SPRR1B: variants seen among roughly 807,000 people sequenced by gnomAD.
The protein encoded by SPRR1B is cornifin-B.
A neutral mutation model predicts 1.2 loss-of-function variants in SPRR1B; 1 was observed. The ratio of observed to expected loss-of-function variants is 0.82; its 90% confidence interval spans 0.29 to 3.89. The LOEUF is 3.89. Ranked by LOEUF, SPRR1B falls within the 30% of genes most tolerant of loss-of-function variation. The probability of loss-of-function intolerance (pLI) is 0.18; values close to 1 mark genes in which losing one functional copy is unlikely to be tolerated. For missense variants in SPRR1B, 102 were observed against 106.0 expected, an observed-to-expected ratio of 0.96 and a Z score of 0.17; for synonymous variants, 37 against 38.3, an observed-to-expected ratio of 0.97 and a Z score of 0.13.
chr1:153,032,096 G>A (rs930310740), intron 1 of SPRR1B, among the ~76,000 whole-genome samples: 3 of 152,066 alleles, frequency 2.0e-5, no homozygotes, highest in Admixed American at 6.5e-5. Context: ...CCTGCTAGAA[G>A]CCTGTTATTG....
chr1:153,031,574 T>C (rs923745647), intron 1 of SPRR1B, among the ~76,000 whole-genome samples: 2 of 152,264 alleles, frequency 1.3e-5, no homozygotes, highest in African/African-American at 4.8e-5. Context: ...CCTGGCATTA[T>C]AATTCCTTCT....
chr1:153,032,731 A>G lies in SPRR1B; in HGVS notation c.*116A>G. 1 of 1,490,750 alleles carries G rather than the reference A, an allele frequency of 6.7e-7. No individual in the cohort carries two copies. Among genetic ancestry groups the G allele is most frequent in the Non-Finnish European group, 9.0e-7 (1 of 1,116,296 alleles). 92.3% of individuals were successfully genotyped at this position (1,490,750 alleles called of 1,614,324 possible). ...TAGCATTCTGTCTCCCCCAAAAAAG[A>G]ATGTGCTATGAAGCTTTCTTTCCTA... On this transcript the variant is annotated 3_prime_UTR_variant, in exon 2 of 2. Coordinates refer to ENST00000307098, the MANE Select transcript of SPRR1B (RefSeq NM_003125.3).
chr1:153,032,618 T>C lies in SPRR1B; in HGVS notation c.*3T>C, dbSNP rs1653745455. 1.2e-6 allele frequency: 2 copies of C among 1,613,276 alleles called. No individual in the cohort carries two copies. Among genetic ancestry groups the C allele is most frequent in the Non-Finnish European group, 1.7e-6 (2 of 1,179,508 alleles). On this transcript the variant is annotated 3_prime_UTR_variant, in exon 2 of 2. Transcript: ENST00000307098. Reference sequence around the variant, plus strand: ...AGCAGAAGACCAAGCAGAAGTAATGTGGTCCACAGCCATGCCCTTGAGGAG... The same window carrying C: ...AGCAGAAGACCAAGCAGAAGTAATGCGGTCCACAGCCATGCCCTTGAGGAG...
At chr1:153,032,163 C>A (rs1028382290) in intron 1 of SPRR1B, among the ~76,000 whole-genome samples, 164 bp from the exon 2 acceptor site, 1 of 151,994 alleles carries the variant, frequency 6.6e-6, no homozygotes, top group Non-Finnish European at 1.5e-5. Context: ...GGAGCAAGAG[C>A]AAATCATCTT....
In SPRR1B at chr1:153,032,546, C is replaced by T. The variant is rs1042760647; in HGVS notation, c.201C>T (p.Pro67=). The change falls in exon 2 of 2, where the codon CCC becomes CCT. Residue 67 remains proline (P), a synonymous_variant. Coordinates refer to ENST00000307098, the MANE Select transcript of SPRR1B (RefSeq NM_003125.3). ...CQPKVPEPCH[P]KVPEPCPSIV... ...CCAAGGTTCCAGAGCCATGCCACCCCAAGGTGCCTGAGCCCTGCCCTTCAA... is the reference window on the plus strand; with the variant it reads ...CCAAGGTTCCAGAGCCATGCCACCCTAAGGTGCCTGAGCCCTGCCCTTCAA... 1.1e-5 allele frequency: 17 copies of T among 1,611,738 alleles called. No individual in the cohort carries two copies. Among genetic ancestry groups the T allele is most frequent in the Non-Finnish European group, 1.4e-5 (16 of 1,178,310 alleles).
intron 1 of SPRR1B, 87 bp downstream of exon 1, chr1:153,031,334 T>C (rs1365842881): frequency 6.7e-6 from 1 of 149,528 alleles, no homozygotes; most frequent in Admixed American, 6.7e-5. Context: ...GGTATTTTTT[T>C]CCCTCATTAT....
rs1360539944 is a variant in SPRR1B at position 153,032,704 on chromosome 1, A to T, written c.*89A>T. On this transcript the variant is annotated 3_prime_UTR_variant, in exon 2 of 2. Coordinates refer to ENST00000307098, the MANE Select transcript of SPRR1B (RefSeq NM_003125.3). Reference sequence around the variant, plus strand: ...GCGTATGAGTCCCATTTGCCTTGCAATTAGCATTCTGTCTCCCCCAAAAAA... The same window carrying T: ...GCGTATGAGTCCCATTTGCCTTGCATTTAGCATTCTGTCTCCCCCAAAAAA... 1 of 1,531,394 alleles carries T rather than the reference A, an allele frequency of 6.5e-7. No individual in the cohort carries two copies. The highest frequency in any genetic ancestry group is 1.3e-5 in the South Asian group (1 of 77,002). 94.9% of individuals were successfully genotyped at this position (1,531,394 alleles called of 1,614,324 possible).
At position 153,032,532 on chromosome 1, in the gene SPRR1B, G is replaced by A; in HGVS notation, c.187G>A (p.Glu63Lys). 3 of 1,495,348 alleles carry A rather than the reference G, an allele frequency of 2.0e-6. No homozygotes were observed. Among genetic ancestry groups the A allele is most frequent in the Non-Finnish European group, 2.8e-6 (3 of 1,084,938 alleles). 92.6% of individuals were successfully genotyped at this position (1,495,348 alleles called of 1,614,324 possible). A position where few individuals can be genotyped will look rare whatever the true frequency, so the allele number is the denominator to read the frequency against. The part of the protein sequence containing the change: ...VPEPCQPKVP[E>K]PCHPKVPEPC... Reference sequence around the variant, plus strand: ...CGAGCCCTGCCAGCCCAAGGTTCCAGAGCCATGCCACCCCAAGGTGCCTGA... The same window carrying A: ...CGAGCCCTGCCAGCCCAAGGTTCCAAAGCCATGCCACCCCAAGGTGCCTGA... The change falls in exon 2 of 2, where the codon GAG becomes AAG. Residue 63 changes from glutamate to lysine, a missense_variant. Glu to Lys is a moderately conservative substitution (Grantham distance 56). Coordinates refer to ENST00000307098, the MANE Select transcript of SPRR1B (RefSeq NM_003125.3).
chr1:153,032,008 G>A (rs1653721642), intron 1 of SPRR1B, among the ~76,000 whole-genome samples: 1 of 146,998 alleles, frequency 6.8e-6, no homozygotes, highest in East Asian at 2.1e-4. Flanking sequence ...AAATGAGTGA[G>A]TAGATTTAAT....
intron 1 of SPRR1B, 81 bp from the exon 2 acceptor site, chr1:153,032,246 G>T: frequency 2.0e-6 from 3 of 1,473,130 alleles, no homozygotes; most frequent in South Asian, 2.7e-5. Flanking sequence ...AAAGAACATA[G>T]CTTTTTAAGA....
intron 1 of SPRR1B, 105 bp downstream of exon 1, chr1:153,031,352 G>A (rs1236919191): frequency 6.6e-6 from 1 of 152,114 alleles, no homozygotes. Flanking sequence ...TATTGAATTT[G>A]ATCATAGCCA....
At position 153,032,712 on chromosome 1, in the gene SPRR1B, T is replaced by G; in HGVS notation, c.*97T>G. 6.6e-7 allele frequency: 1 copy of G among 1,521,670 alleles called. No homozygotes were observed. The highest frequency in any genetic ancestry group is 8.8e-7 in the Non-Finnish European group (1 of 1,134,534). The allele number at this position is 1,521,670 out of a possible 1,614,324, so 94.3% of individuals were successfully genotyped here. A position where few individuals can be genotyped will look rare whatever the true frequency, so the allele number is the denominator to read the frequency against. On this transcript the variant is annotated 3_prime_UTR_variant, in exon 2 of 2. Coordinates refer to ENST00000307098, the MANE Select transcript of SPRR1B (RefSeq NM_003125.3). Reference sequence around the variant, plus strand: ...GTCCCATTTGCCTTGCAATTAGCATTCTGTCTCCCCCAAAAAAGAATGTGC... The same window carrying G: ...GTCCCATTTGCCTTGCAATTAGCATGCTGTCTCCCCCAAAAAAGAATGTGC...
rs774158272 is a variant in SPRR1B, at chr1:153,032,445, A to C, written c.100A>C (p.Ile34Leu). 3.1e-5 allele frequency: 50 copies of C among 1,613,714 alleles called. No individual in the cohort carries two copies. Among genetic ancestry groups the C allele is most frequent in the Non-Finnish European group, 4.0e-5 (47 of 1,179,958 alleles). Residue 34 changes from isoleucine to leucine, a missense_variant, in exon 2 of 2, where the codon ATC becomes CTC. Transcript: ENST00000307098. ...CCAGCCTCCACCTCAGGAACCATGC[A>C]TCCCCAAAACCAAGGAGCCCTGCCA... is the stretch of plus-strand genomic sequence containing the variant. Reference protein sequence around the residue: ...PCQPPPQEPCIPKTKEPCHPK... With the variant: ...PCQPPPQEPCLPKTKEPCHPK...
chr1:153,032,198 A>G, intron 1 of SPRR1B, 129 bp from the exon 2 acceptor site: 1 of 1,233,948 alleles, frequency 8.1e-7, no homozygotes, highest in East Asian at 2.4e-5. Flanking sequence ...TCAAAGGCTC[A>G]GAAATTAAAT....
chr1:153,031,513 T>C lies in SPRR1B; in HGVS notation c.-20+266T>C, dbSNP rs17879518. On this transcript the variant is annotated intron_variant, in intron 1 of 1. Coordinates refer to ENST00000307098, the MANE Select transcript of SPRR1B (RefSeq NM_003125.3). Reference sequence around the variant, plus strand: ...GGGGGTTGGTTTATTCAAGGATCCATAGTAAGTTTGTAATGGGATAATGAC... The same window carrying C: ...GGGGGTTGGTTTATTCAAGGATCCACAGTAAGTTTGTAATGGGATAATGAC... 2.2e-4 allele frequency among the ~76,000 whole-genome samples: 34 copies of C among 152,312 alleles called. No individual in the cohort carries two copies. In the East Asian group the frequency reaches 4.4e-3, roughly 20 times the overall value.
Position 153,032,440 on chromosome 1 carries a change from C to A in SPRR1B, c.95C>A (p.Pro32Gln). 6.2e-7 allele frequency: 1 copy of A among 1,613,972 alleles called. No individual in the cohort carries two copies. Residue 32 changes from proline (P) to glutamine (Q), a missense_variant, in exon 2 of 2, where the codon CCA becomes CAA. Physicochemically the swap from Pro to Gln is moderately conservative, Grantham distance 76. Transcript: ENST00000307098. ...KQPCQPPPQE[P>Q]CIPKTKEPCH... ...CCTTGCCAGCCTCCACCTCAGGAAC[C>A]ATGCATCCCCAAAACCAAGGAGCCC...
chr1:153,032,871 A>C lies in SPRR1B; in HGVS notation c.*256A>C. 1.6e-6 allele frequency: 1 copy of C among 608,182 alleles called. No individual in the cohort carries two copies. Among genetic ancestry groups the C allele is most frequent in the South Asian group, 2.7e-5 (1 of 36,462 alleles). The allele number at this position is 608,182 out of a possible 1,614,324, so 37.7% of individuals were successfully genotyped here. Reference sequence around the variant, plus strand: ...TGAAAGCAAATGATTCAGCTCCCTTATACCCCCATTAAATTCACTTTCAAT... The same window carrying C: ...TGAAAGCAAATGATTCAGCTCCCTTCTACCCCCATTAAATTCACTTTCAAT... On this transcript the variant is annotated 3_prime_UTR_variant, in exon 2 of 2. Coordinates refer to ENST00000307098, the MANE Select transcript of SPRR1B (RefSeq NM_003125.3).
chr1:153,031,657 ATTTG>A (rs1258217252), intron 1 of SPRR1B, among the ~76,000 whole-genome samples: 1 of 152,200 alleles, frequency 6.6e-6, no homozygotes, highest in Non-Finnish European at 1.5e-5. Flanking sequence ...ATATTTGGCA[ATTTG>A]TTTGCAAAGA....
Position 153,032,875 on chromosome 1 carries a change from C to A in SPRR1B, c.*260C>A. The A allele has an allele frequency of 3.4e-6, 2 of 596,034 alleles. No homozygotes were observed. The highest frequency in any genetic ancestry group is 2.8e-5 in the South Asian group (1 of 35,750). The allele number at this position is 596,034 out of a possible 1,614,324, so 36.9% of individuals were successfully genotyped here. A position where few individuals can be genotyped will look rare whatever the true frequency, so the allele number is the denominator to read the frequency against. ...AGCAAATGATTCAGCTCCCTTATAC[C>A]CCCATTAAATTCACTTTCAATTCCA... On this transcript the variant is annotated 3_prime_UTR_variant, in exon 2 of 2. Transcript: ENST00000307098.
Sources: allele counts gnomAD v4.1 joint callset (sites outside exome capture counted in the v4.1 genomes callset), GRCh38; gene constraint gnomAD v4.1.1; transcripts MANE v1.5; gene names NCBI Gene and HGNC (gene_info 2026-07-23, HGNC 2026-07-21).